Variants in EXOC6B observed in about 807,000 individuals in gnomAD.
The protein encoded by EXOC6B is exocyst complex component 6B, also known as SEC15 homolog B.
EXOC6B carries 54 observed loss-of-function variants against 113.5 expected under a neutral mutation model. The ratio of observed to expected loss-of-function variants is 0.48; its 90% CI spans 0.38 to 0.60. EXOC6B has a LOEUF of 0.60. Among genes scored for constraint, EXOC6B ranks in the 20% least tolerant of loss-of-function variants. EXOC6B has a pLI of 0.00. For missense variants in EXOC6B, 797 were observed against 977.5 expected (o/e 0.82, Z 2.46); for synonymous variants, 357 against 339.0 (o/e 1.05, Z -0.58).
chr2:72,183,116 C>A (rs1373233758), intron 21 of EXOC6B, among the ~76,000 whole-genome samples: 2 of 152,114 alleles, frequency 1.3e-5, no homozygotes, highest in Non-Finnish European at 1.5e-5. Context: ...TAGACTTTGA[C>A]CTCTCCTTCT....
At chr2:72,302,474 G>A (rs1486508240) in intron 20 of EXOC6B, among the ~76,000 whole-genome samples, 1 of 152,166 alleles carries the variant, frequency 6.6e-6, no homozygotes, top group Non-Finnish European at 1.5e-5. Context: ...TCTCTTTGTA[G>A]ATCTCTAAGA....
chr2:72,482,245 GA>G (rs1013006439), intron 16 of EXOC6B, among the ~76,000 whole-genome samples: 1 of 151,672 alleles, frequency 6.6e-6, no homozygotes, highest in East Asian at 1.9e-4. Flanking sequence ...AAAAGAAGAG[GA>G]AAAAAAGTGG....
intron 20 of EXOC6B, among the ~76,000 whole-genome samples, chr2:72,311,243 G>GTAAAAT (rs1314675305): frequency 2.6e-5 from 4 of 152,144 alleles, no homozygotes; most frequent in Admixed American, 2.0e-4. Context: ...TAAGGTGTTG[G>GTAAAAT]CAAGGTTACA....
chr2:72,684,873 T>C (rs1441408101), intron 6 of EXOC6B, among the ~76,000 whole-genome samples: 1 of 152,148 alleles, frequency 6.6e-6, no homozygotes, highest in Non-Finnish European at 1.5e-5. Context: ...TAATGTTCTA[T>C]AACTATTAAG....
intron 8 of EXOC6B, among the ~76,000 whole-genome samples, chr2:72,553,889 A>G (rs1206324909): frequency 6.6e-6 from 1 of 152,186 alleles, no homozygotes; most frequent in Non-Finnish European, 1.5e-5. Context: ...AAGAGCCTCT[A>G]TTGGAGCAAC....
chr2:72,314,125 G>A (rs1224163433), intron 20 of EXOC6B, among the ~76,000 whole-genome samples: 1 of 152,080 alleles, frequency 6.6e-6, no homozygotes, highest in African/African-American at 2.4e-5. Context: ...CTAACTTAAG[G>A]CTGTGCCATT....
Position 72,731,000 on chromosome 2 carries a change from A to T in EXOC6B, c.464+7T>A. Reference sequence around the variant, plus strand: ...GTAAAAACTGTTCGATTAAAAAAAAATCTTACCTTTTAGTTTTCATCTGGT... The same window carrying T: ...GTAAAAACTGTTCGATTAAAAAAAATTCTTACCTTTTAGTTTTCATCTGGT... On this transcript the variant is annotated splice_region_variant and intron_variant, in intron 5 of 21. Coordinates refer to ENST00000272427, the MANE Select transcript of EXOC6B (RefSeq NM_015189.3). 6.6e-7 allele frequency: 1 copy of T among 1,524,428 alleles called. No homozygotes were observed. The allele number at this position is 1,524,428 out of a possible 1,614,324, so 94.4% of individuals were successfully genotyped here. A position where few individuals can be genotyped will look rare whatever the true frequency, so the allele number is the denominator to read the frequency against.
chr2:72,189,974 G>A (rs1678726814), intron 20 of EXOC6B, among the ~76,000 whole-genome samples: 3 of 138,350 alleles, frequency 2.2e-5, no homozygotes, highest in South Asian at 4.9e-4. Flanking sequence ...TCAGCCTCCC[G>A]AGTAGCTGGG....
chr2:72,213,437 G>A (rs1680321642), intron 20 of EXOC6B, among the ~76,000 whole-genome samples: 1 of 135,998 alleles, frequency 7.4e-6, no homozygotes, highest in South Asian at 2.3e-4. Context: ...AGGAAAAGGA[G>A]AGACAGCCAT....
chr2:72,473,537 C>A lies in EXOC6B; in HGVS notation c.1800+7079G>T, dbSNP rs113373910. Among the ~76,000 whole-genome samples the A allele has an allele frequency of 1.1e-3, 172 of 151,958 alleles. 1 individual carries two copies. The highest frequency in any genetic ancestry group is 4.1e-3 in the African/African-American group (168 of 41,478). On this transcript the variant is annotated intron_variant, in intron 17 of 21. Coordinates refer to ENST00000272427, the MANE Select transcript of EXOC6B (RefSeq NM_015189.3). ...ATTTGCATGGAATATCTTTTTCTAT[C>A]CCTTTATTTTCAGTTCATATGCATC...
chr2:72,469,751 A>G (rs1181246706), intron 17 of EXOC6B, among the ~76,000 whole-genome samples: 1 of 152,072 alleles, frequency 6.6e-6, no homozygotes, highest in Non-Finnish European at 1.5e-5. Context: ...ATAAATGTCC[A>G]TTAGATTCAC....
At chr2:72,592,213 GA>G (rs1706012644) in intron 6 of EXOC6B, among the ~76,000 whole-genome samples, 1 of 152,168 alleles carries the variant, frequency 6.6e-6, no homozygotes, top group Admixed American at 6.6e-5. Flanking sequence ...TCCAGGAAAG[GA>G]AAGTGGGGAA....
At chr2:72,558,256 G>A (rs1459433549) in intron 8 of EXOC6B, among the ~76,000 whole-genome samples, 2 of 152,018 alleles carry the variant, frequency 1.3e-5, no homozygotes, top group African/African-American at 4.8e-5. Context: ...GCAAGGAATT[G>A]TAGATTGAGA....
chr2:72,531,328 G>C (rs1376748862), intron 8 of EXOC6B, among the ~76,000 whole-genome samples: 2 of 152,142 alleles, frequency 1.3e-5, no homozygotes, highest in African/African-American at 4.8e-5. Flanking sequence ...TTCCAGGGAA[G>C]AGTAGAAACC....
intron 18 of EXOC6B, among the ~76,000 whole-genome samples, chr2:72,385,745 A>G (rs2222142): frequency 0.096 from 14,637 of 152,198 alleles, 1,850 homozygotes; most frequent in African/African-American, 0.29. Flanking sequence ...AATAGCCAAG[A>G]CGTATATGAA....
chr2:72,426,738 A>G (rs1695220400), intron 18 of EXOC6B, among the ~76,000 whole-genome samples: 2 of 152,228 alleles, frequency 1.3e-5, no homozygotes, highest in Admixed American at 1.3e-4. Context: ...TGTTACTGGT[A>G]AGAACTTTCT....
intron 18 of EXOC6B, among the ~76,000 whole-genome samples, chr2:72,452,335 C>T (rs1356758633): frequency 6.6e-6 from 1 of 152,076 alleles, no homozygotes; most frequent in African/African-American, 2.4e-5. Flanking sequence ...CAATGCTGGC[C>T]ATATTAAAAT....
At chr2:72,652,887 T>G (rs1262934184) in intron 6 of EXOC6B, among the ~76,000 whole-genome samples, 1 of 151,226 alleles carries the variant, frequency 6.6e-6, no homozygotes, top group Admixed American at 6.6e-5. Context: ...GGCTCACACC[T>G]GCAGTCCCAT....
intron 6 of EXOC6B, among the ~76,000 whole-genome samples, chr2:72,582,564 C>T (rs1705292251): frequency 6.7e-6 from 1 of 150,210 alleles, no homozygotes; most frequent in South Asian, 2.1e-4. Context: ...GATGGAGTTT[C>T]GCTCTTGTTG....
Sources: gnomAD v4.1 joint callset for allele counts (sites outside exome capture counted in the v4.1 genomes callset) on GRCh38, gnomAD v4.1.1 for gene constraint, MANE v1.5 for transcripts, NCBI Gene and HGNC (gene_info 2026-07-23, HGNC 2026-07-21) for gene names.